The following TNS1 variants were observed in gnomAD, a reference collection of about 807,000 sequenced individuals.
TNS1 encodes tensin 1, also known as tensin-1.
A neutral mutation model predicts 168.6 loss-of-function variants in TNS1; 62 were observed. That is an observed-to-expected ratio of 0.37 (90% confidence interval 0.30 to 0.45). The LOEUF (loss-of-function observed/expected upper bound fraction) is 0.45. Among genes scored for constraint, TNS1 ranks in the 20% least tolerant of loss-of-function variants. The pLI is 1.00. For missense variants in TNS1, 2,240 were observed against 2,339.4 expected (o/e 0.96, Z 0.88); for synonymous variants, 934 against 933.2 (o/e 1.00, Z -0.02).
At chr2:217,828,098 G>T (rs1943875945) in intron 22 of TNS1, among the ~76,000 whole-genome samples, 1 of 152,220 alleles carries the variant, frequency 6.6e-6, no homozygotes, top group Admixed American at 6.5e-5. Context: ...CTCCTGCCTT[G>T]CCAGGACCAG....
intron 19 of TNS1, among the ~76,000 whole-genome samples, chr2:217,840,386 G>T (rs1945788110): frequency 6.6e-6 from 1 of 152,240 alleles, no homozygotes; most frequent in African/African-American, 2.4e-5. Context: ...TGTGACCCCA[G>T]TGAAGCATCC....
intron 18 of TNS1, among the ~76,000 whole-genome samples, chr2:217,854,167 AC>A (rs1173674860): frequency 3.3e-5 from 5 of 152,110 alleles, no homozygotes; most frequent in African/African-American, 1.2e-4. Context: ...ATCTAGAGAA[AC>A]CCGCCCCAGC....
intron 29 of TNS1, 65 bp downstream of exon 29, chr2:217,810,183 G>C: frequency 6.4e-7 from 1 of 1,567,954 alleles, no homozygotes; most frequent in Non-Finnish European, 8.8e-7. Context: ...ACGTGCAGGA[G>C]GGGTCAGGGC....
At position 217,831,516 on chromosome 2, in the gene TNS1, G is replaced by A. The variant is rs765006835; in HGVS notation, c.3312C>T (p.Pro1104=). The change falls in exon 22 of 33, where the codon CCC becomes CCT. Residue 1104 remains proline (P), a synonymous_variant. Transcript: ENST00000682258. ...VRSPPGLAKT[P]LSALGLKPHN... ...GAGGTTTCAGGCCCAGAGCAGACAG[G>A]GGTGTCTTGGCCAGACCCGGGGGGG... 2.6e-6 allele frequency: 4 copies of A among 1,563,740 alleles called. No individual in the cohort carries two copies. The South Asian group carries it at 3.6e-5, about 14-fold the overall frequency.
chr2:217,815,395 T>A lies in TNS1; in HGVS notation c.4643-397A>T, dbSNP rs1467123949. 4.0e-5 allele frequency: 8 copies of A among 198,586 alleles called. 1 individual carries two copies. The highest frequency in any genetic ancestry group is 1.2e-4 in the South Asian group (1 of 8,058). The allele number at this position is 198,586 out of a possible 1,614,324, so 12.3% of individuals were successfully genotyped here. Reference sequence around the variant, plus strand: ...TGCCAACACCTTGATTTTGGACTTCTAGCCTCCAGAACTGTGAGAGAACAT... The same window carrying A: ...TGCCAACACCTTGATTTTGGACTTCAAGCCTCCAGAACTGTGAGAGAACAT... On this transcript the variant is annotated intron_variant, in intron 24 of 32. Transcript: ENST00000682258.
intron 4 of TNS1, among the ~76,000 whole-genome samples, chr2:217,918,535 C>A (rs114142683): frequency 2.2e-4 from 34 of 152,184 alleles, no homozygotes; most frequent in African/African-American, 7.0e-4. Flanking sequence ...TGCAGTCCCC[C>A]CAGCTGGAAT....
intron 4 of TNS1, among the ~76,000 whole-genome samples, chr2:217,912,445 G>T (rs944449852): frequency 7.9e-6 from 1 of 127,278 alleles, no homozygotes; most frequent in East Asian, 2.0e-4. Flanking sequence ...AATCTGGGGG[G>T]CTTGGGGGCC....
chr2:217,906,273 C>CCCCCCCCT, intron 6 of TNS1, 62 bp downstream of exon 6: 1 of 656,016 alleles, frequency 1.5e-6, no homozygotes, highest in Non-Finnish European at 2.8e-6. Context: ...CCTCCCACCC[C>CCCCCCCCT]ACCCCATTCC....
Position 217,990,627 on chromosome 2 carries a change from C to A in TNS1, c.148+315G>T, listed in dbSNP as rs367850097. 1.8e-4 allele frequency among the ~76,000 whole-genome samples: 28 copies of A among 152,368 alleles called. 1 individual carries two copies. In the East Asian group the frequency reaches 2.1e-3, roughly 12 times the overall value. On this transcript the variant is annotated intron_variant, in intron 2 of 32. Transcript: ENST00000682258. ...ATGCCACCACATACTAATCATGCAT[C>A]TTCCACATGCCACTCACATGCCACT...
At chr2:217,830,413 C>A (rs562654172) in intron 22 of TNS1, 3 of 1,612,702 alleles carry the variant, frequency 1.9e-6, no homozygotes, top group Non-Finnish European at 2.5e-6. Context: ...GTAAAGTTGA[C>A]CCCAATAGCC....
chr2:217,867,248 A>C lies in TNS1; in HGVS notation c.1429+13650T>G, dbSNP rs140359529. 1.8e-3 allele frequency among the ~76,000 whole-genome samples: 267 copies of C among 152,308 alleles called. 8 individuals carry two copies. The East Asian group carries it at 0.048, about 27-fold the overall frequency. ...ACTGTCTGGGAGCATCAATTAATAC[A>C]GTCCTTATGAAGGCCAATCTGGCCC... is the stretch of plus-strand genomic sequence containing the variant. On this transcript the variant is annotated intron_variant, in intron 18 of 32. Coordinates refer to ENST00000682258, the MANE Select transcript of TNS1 (RefSeq NM_001387777.1).
rs1342233390 is a variant in TNS1 at position 217,810,241 on chromosome 2, C to G, written c.5104+7G>C. The G allele has an allele frequency of 2.5e-6, 4 of 1,613,478 alleles. No individual in the cohort carries two copies. The African/African-American group carries it at 4.0e-5, about 16-fold the overall frequency. On this transcript the variant is annotated splice_region_variant and intron_variant, in intron 29 of 32. Coordinates refer to ENST00000682258, the MANE Select transcript of TNS1 (RefSeq NM_001387777.1). ...GGGCATGGGTACAGTTTCAGGTGAC[C>G]ACTCACCTGCCCCTTGTTTCAGCAG...
intron 2 of TNS1, among the ~76,000 whole-genome samples, chr2:217,979,538 C>T (rs1025486208): frequency 2.6e-5 from 4 of 151,814 alleles, no homozygotes; most frequent in Non-Finnish European, 5.9e-5. Flanking sequence ...GACACACACA[C>T]ACACACACAC....
intron 21 of TNS1, among the ~76,000 whole-genome samples, chr2:217,832,937 AACAC>A (rs143114343): frequency 1.3e-5 from 2 of 150,200 alleles, no homozygotes; most frequent in Admixed American, 6.6e-5. Context: ...CACACACACA[AACAC>A]ACACACACAC....
At chr2:218,022,583 G>A (rs567512543) in intron 1 of TNS1, among the ~76,000 whole-genome samples, 1 of 152,112 alleles carries the variant, frequency 6.6e-6, no homozygotes, top group South Asian at 2.1e-4. Flanking sequence ...CCCCCTGCCT[G>A]GCCTTGGGAG....
chr2:217,841,092 G>A, intron 19 of TNS1: 1 of 383,384 alleles, frequency 2.6e-6, no homozygotes, highest in Non-Finnish European at 3.6e-6. Context: ...GAAGAAGGTG[G>A]GAAAGATTTG....
chr2:218,016,563 C>T (rs186471636), intron 1 of TNS1, among the ~76,000 whole-genome samples: 1 of 152,270 alleles, frequency 6.6e-6, no homozygotes, highest in East Asian at 1.9e-4. Flanking sequence ...CTCTCCAGTG[C>T]CCCACTCAGC....
Position 217,930,294 on chromosome 2 carries a change from C to T in TNS1, c.187-10058G>A, listed in dbSNP as rs543930513. Reference sequence around the variant, plus strand: ...AACCAAGTTCTGCCGCGGCTGTGTCCGAAGCCTCAGCTCTGCCCAGGACCA... The same window carrying T: ...AACCAAGTTCTGCCGCGGCTGTGTCTGAAGCCTCAGCTCTGCCCAGGACCA... On this transcript the variant is annotated intron_variant, in intron 3 of 32. Transcript: ENST00000682258. 1.6e-4 allele frequency among the ~76,000 whole-genome samples: 24 copies of T among 152,344 alleles called. No individual in the cohort carries two copies. The South Asian group carries it at 1.7e-3, about 11-fold the overall frequency.
intron 2 of TNS1, among the ~76,000 whole-genome samples, chr2:217,979,549 A>ACACACACACACG (rs1476579659): frequency 6.0e-4 from 91 of 151,968 alleles, no homozygotes; most frequent in African/African-American, 2.1e-3. Context: ...ACACACACAC[A>ACACACACACACG]CACAGGACTT....
Sources: gnomAD v4.1 joint callset for allele counts (sites outside exome capture counted in the v4.1 genomes callset) on GRCh38, gnomAD v4.1.1 for gene constraint, MANE v1.5 for transcripts, NCBI Gene and HGNC (gene_info 2026-07-23, HGNC 2026-07-21) for gene names.